The following SHISA9 variants were observed in gnomAD, a reference collection of about 807,000 sequenced individuals.
SHISA9 encodes the protein protein shisa-9.
SHISA9 carries 13 observed loss-of-function variants against 38.0 expected under a neutral mutation model. The ratio of observed to expected loss-of-function variants is 0.34; its 90% CI spans 0.22 to 0.54. The LOEUF is 0.54. Among genes scored for constraint, SHISA9 ranks in the 20% least tolerant of loss-of-function variants. SHISA9 has a pLI of 0.91. For missense variants in SHISA9, 538 were observed against 575.8 expected (o/e 0.93, Z 0.67); for synonymous variants, 275 against 242.0 (o/e 1.14, Z -1.27).
intron 3 of SHISA9, among the ~76,000 whole-genome samples, chr16:13,207,221 G>T (rs545206107): frequency 6.6e-6 from 1 of 152,258 alleles, no homozygotes; most frequent in South Asian, 2.1e-4. Flanking sequence ...CGGAGATGGT[G>T]CCACTGCACT....
intron 1 of SHISA9, among the ~76,000 whole-genome samples, chr16:12,903,828 G>T (rs2071056637): frequency 6.6e-6 from 1 of 152,184 alleles, no homozygotes; most frequent in African/African-American, 2.4e-5. Context: ...GTGTGCACGC[G>T]CTCCGTGTGA....
intron 2 of SHISA9, among the ~76,000 whole-genome samples, chr16:13,021,120 C>T (rs2072847766): frequency 6.6e-6 from 1 of 152,176 alleles, no homozygotes; most frequent in African/African-American, 2.4e-5. Flanking sequence ...CTGCTGTCTC[C>T]TTGAGTGCTA....
At chr16:13,251,613 T>C in the SHISA9 span, among the ~76,000 whole-genome samples, 3 of 152,174 alleles carry the variant, frequency 2.0e-5, no homozygotes, top group Non-Finnish European at 2.9e-5. Context: ...TCCTAGTGGG[T>C]TGGAACCCAC....
the SHISA9 span, among the ~76,000 whole-genome samples, chr16:13,257,865 T>C: frequency 7.0e-6 from 1 of 143,288 alleles, no homozygotes; most frequent in Admixed American, 7.5e-5. Context: ...TTTAAATACT[T>C]TATTTTTTTT....
At chr16:12,952,953 T>C (rs754125657) in intron 2 of SHISA9, among the ~76,000 whole-genome samples, 1 of 152,096 alleles carries the variant, frequency 6.6e-6, no homozygotes, top group Non-Finnish European at 1.5e-5. Flanking sequence ...TTAGGCACTG[T>C]GTATGAGGCA....
rs988681053 is a variant in SHISA9, at chr16:13,146,286, G to C, written c.692-57108G>C. On this transcript the variant is annotated intron_variant, in intron 2 of 4. Coordinates refer to ENST00000558583, the MANE Select transcript of SHISA9 (RefSeq NM_001145204.3). ...TGGACTAGGCTCTGAAATGAAGCCA[G>C]GTTTCCTGCATTCAGGATATGAAAA... Among the ~76,000 whole-genome samples, 5 of 152,218 alleles carry C rather than the reference G, an allele frequency of 3.3e-5. No homozygotes were observed. The East Asian group carries it at 9.6e-4, about 29-fold the overall frequency.
rs182215594 is a variant in SHISA9, at chr16:13,146,189, G to C, written c.692-57205G>C. Reference sequence around the variant, plus strand: ...TGGGTGACAGAGTGAGTGAGACTCCGTCTCAATGAAAATAAAATTGACAGT... The same window carrying C: ...TGGGTGACAGAGTGAGTGAGACTCCCTCTCAATGAAAATAAAATTGACAGT... On this transcript the variant is annotated intron_variant, in intron 2 of 4. Transcript: ENST00000558583. Among the ~76,000 whole-genome samples, 144 of 152,240 alleles carry C rather than the reference G, an allele frequency of 9.5e-4. 1 individual carries two copies. The highest frequency in any genetic ancestry group is 3.3e-3 in the African/African-American group (138 of 41,542).
intron 2 of SHISA9, among the ~76,000 whole-genome samples, chr16:12,952,459 G>GAATCC (rs1162162931): frequency 1.3e-5 from 2 of 152,192 alleles, no homozygotes; most frequent in East Asian, 3.8e-4. Flanking sequence ...CCTCCTGTTA[G>GAATCC]AATCCTTTTG....
the SHISA9 span, among the ~76,000 whole-genome samples, chr16:13,520,711 G>T: frequency 1.3e-5 from 2 of 150,954 alleles, no homozygotes; most frequent in Non-Finnish European, 2.9e-5. Flanking sequence ...GAAGAGTAAA[G>T]GCATATGTAT....
chr16:13,064,784 C>CAAAAAAAAAA (rs72435637), intron 2 of SHISA9, among the ~76,000 whole-genome samples: 158 of 81,740 alleles, frequency 1.9e-3, no homozygotes, highest in Non-Finnish European at 3.4e-3. Flanking sequence ...AGTTGTAAGG[C>CAAAAAAAAAA]AAAAAAAAAA....
At chr16:12,988,383 A>G (rs1209133295) in intron 2 of SHISA9, among the ~76,000 whole-genome samples, 1 of 152,052 alleles carries the variant, frequency 6.6e-6, no homozygotes, top group Non-Finnish European at 1.5e-5. Flanking sequence ...TTCTACCACT[A>G]ACAGATTTCT....
chr16:12,938,405 A>C (rs2071561824), intron 2 of SHISA9, among the ~76,000 whole-genome samples: 1 of 151,084 alleles, frequency 6.6e-6, no homozygotes, highest in Non-Finnish European at 1.5e-5. Flanking sequence ...TGTTTCTTCC[A>C]CTCCCATGAC....
chr16:13,354,632 G>T, the SHISA9 span, among the ~76,000 whole-genome samples: 6 of 143,864 alleles, frequency 4.2e-5, no homozygotes, highest in African/African-American at 1.5e-4. Flanking sequence ...GCCTCTAAAA[G>T]TATTAAAGCA....
chr16:13,264,473 G>A, the SHISA9 span, among the ~76,000 whole-genome samples: 1 of 152,082 alleles, frequency 6.6e-6, no homozygotes, highest in South Asian at 2.1e-4. Flanking sequence ...GTGCTGGCCT[G>A]TTTTAAATCT....
At chr16:13,384,087 C>T in the SHISA9 span, among the ~76,000 whole-genome samples, 1 of 152,260 alleles carries the variant, frequency 6.6e-6, no homozygotes, top group Admixed American at 6.5e-5. Context: ...AACTATGCCT[C>T]CTTTCAACTG....
At chr16:13,279,521 C>T in the SHISA9 span, among the ~76,000 whole-genome samples, 1 of 151,856 alleles carries the variant, frequency 6.6e-6, no homozygotes. Context: ...ATAAACTAGT[C>T]TCTGTTATTT....
chr16:12,938,782 C>T lies in SHISA9; in HGVS notation c.691+21967C>T, dbSNP rs116302631. Among the ~76,000 whole-genome samples the T allele has an allele frequency of 2.5e-3, 387 of 152,154 alleles. 1 individual carries two copies. Among genetic ancestry groups the T allele is most frequent in the African/African-American group, 8.9e-3 (368 of 41,494 alleles). ...CCTCCCAAAGTGTTGGAATTACAGG[C>T]GTGAGCCATTCTGCCTTTTGACTTT... On this transcript the variant is annotated intron_variant, in intron 2 of 4. Coordinates refer to ENST00000558583, the MANE Select transcript of SHISA9 (RefSeq NM_001145204.3).
At chr16:13,345,315 T>A in the SHISA9 span, among the ~76,000 whole-genome samples, 3 of 152,190 alleles carry the variant, frequency 2.0e-5, no homozygotes, top group Non-Finnish European at 4.4e-5. Flanking sequence ...GTTCATGTGT[T>A]CTCATCATTT....
the SHISA9 span, among the ~76,000 whole-genome samples, chr16:13,259,846 T>TG: frequency 0.16 from 23,992 of 151,872 alleles, 2,151 homozygotes; most frequent in Non-Finnish European, 0.2. Context: ...CCCAGGCCTC[T>TG]GGGCCTGTGA....
Sources: allele counts gnomAD v4.1 joint callset (sites outside exome capture counted in the v4.1 genomes callset), GRCh38; gene constraint gnomAD v4.1.1; transcripts MANE v1.5; gene names NCBI Gene and HGNC (gene_info 2026-07-23, HGNC 2026-07-21).